DMXL1: variants seen among roughly 807,000 people sequenced by gnomAD.
The protein encoded by DMXL1 is dmX-like protein 1.
Under a neutral mutation model 319.2 loss-of-function variants are expected in DMXL1, and 99 were observed. The ratio of observed to expected loss-of-function variants is 0.31; its 90% CI spans 0.26 to 0.37. DMXL1 has a LOEUF of 0.37. Among genes scored for constraint, DMXL1 ranks in the 10% least tolerant of loss-of-function variants. The pLI is 1.00. For synonymous variants in DMXL1, 1,385 were observed against 1,235.2 expected (o/e 1.12, Z -2.54); for missense variants, 3,745 against 3,595.6 (o/e 1.04, Z -1.06).
At chr5:119,156,323 G>A (rs1391084134) in intron 19 of DMXL1, among the ~76,000 whole-genome samples, 1 of 152,146 alleles carries the variant, frequency 6.6e-6, no homozygotes, top group Non-Finnish European at 1.5e-5. Flanking sequence ...TAACGCTATT[G>A]CACAGTTAAT....
chr5:119,114,851 A>G (rs907047167), intron 6 of DMXL1, among the ~76,000 whole-genome samples: 4 of 151,768 alleles, frequency 2.6e-5, no homozygotes, highest in Non-Finnish European at 5.9e-5. Context: ...GTATTTTTTA[A>G]TAGAGACGGG....
chr5:119,237,997 C>A (rs563756418), intron 40 of DMXL1, among the ~76,000 whole-genome samples: 5 of 151,992 alleles, frequency 3.3e-5, no homozygotes, highest in Admixed American at 3.3e-4. Flanking sequence ...GTAATTTGCC[C>A]AAGGTTAATT....
chr5:119,120,057 T>A (rs1404860019), intron 8 of DMXL1, among the ~76,000 whole-genome samples: 1 of 151,774 alleles, frequency 6.6e-6, no homozygotes. Context: ...ATTTTTGTAT[T>A]TAAAGTGGAG....
intron 24 of DMXL1, 55 bp from the exon 25 acceptor site, chr5:119,171,722 TA>T: frequency 7.2e-7 from 1 of 1,398,272 alleles, no homozygotes; most frequent in Non-Finnish European, 9.7e-7. Flanking sequence ...TTTACTGAAG[TA>T]ATGGTTTGTA....
At chr5:119,073,765 C>T (rs1750178359) in intron 1 of DMXL1, among the ~76,000 whole-genome samples, 1 of 152,086 alleles carries the variant, frequency 6.6e-6, no homozygotes, top group East Asian at 1.9e-4. Context: ...CATGGTTTTC[C>T]TTTGCAGCCT....
intron 34 of DMXL1, among the ~76,000 whole-genome samples, chr5:119,207,357 A>G (rs560708269): frequency 2.6e-5 from 4 of 152,190 alleles, no homozygotes; most frequent in Non-Finnish European, 5.9e-5. Context: ...ATACTGTTAC[A>G]TAGCATTTAT....
At chr5:119,223,556 C>T (rs1183211830) in intron 37 of DMXL1, among the ~76,000 whole-genome samples, 3 of 152,246 alleles carry the variant, frequency 2.0e-5, no homozygotes, top group Admixed American at 1.3e-4. Context: ...TTCTTCCTAC[C>T]TAAATCTTAG....
intron 29 of DMXL1, among the ~76,000 whole-genome samples, chr5:119,191,952 T>C (rs1778774197): frequency 6.6e-6 from 1 of 152,240 alleles, no homozygotes; most frequent in Non-Finnish European, 1.5e-5. Flanking sequence ...GTTTGTTTTC[T>C]ACAATTTTGT....
At chr5:119,089,426 C>G (rs1012668731) in intron 1 of DMXL1, among the ~76,000 whole-genome samples, 2 of 145,238 alleles carry the variant, frequency 1.4e-5, no homozygotes, top group African/African-American at 5.1e-5. Context: ...ATGCCTCAGC[C>G]TCCCGAGTAG....
intron 9 of DMXL1, chr5:119,127,299 C>T: frequency 4.6e-6 from 1 of 219,032 alleles, no homozygotes; most frequent in Non-Finnish European, 9.6e-6. Context: ...CCATTAACTT[C>T]AATGGTAGTA....
At chr5:119,188,653 C>T (rs1260844229) in intron 28 of DMXL1, among the ~76,000 whole-genome samples, 1 of 152,198 alleles carries the variant, frequency 6.6e-6, no homozygotes, top group Non-Finnish European at 1.5e-5. Flanking sequence ...CATTTAATCT[C>T]ACAGTTCCTT....
At position 119,139,837 on chromosome 5, in the gene DMXL1, A is replaced by G. The variant is rs193232685; in HGVS notation, c.2377-4004A>G. 1.3e-4 allele frequency among the ~76,000 whole-genome samples: 20 copies of G among 152,346 alleles called. No individual in the cohort carries two copies. In the East Asian group the frequency reaches 3.1e-3, roughly 24 times the overall value. On this transcript the variant is annotated intron_variant, in intron 13 of 43. Transcript: ENST00000539542. ...CAGAATATATATTCCTCTCATTGCC[A>G]CGTCACATACTCTAAATTGGACCAC...
intron 41 of DMXL1, among the ~76,000 whole-genome samples, chr5:119,239,830 G>A (rs1473310763): frequency 2.0e-5 from 3 of 151,712 alleles, no homozygotes; most frequent in African/African-American, 7.3e-5. Flanking sequence ...GGTGGCAGGT[G>A]CCTGTAATCC....
At chr5:119,116,468 C>T (rs574974301) in intron 7 of DMXL1, 132 bp downstream of exon 7, 5 of 958,238 alleles carry the variant, frequency 5.2e-6, no homozygotes, top group Admixed American at 2.5e-5. Flanking sequence ...AATATTAAAT[C>T]GTCTCTGGCC....
intron 27 of DMXL1, 29 bp from the exon 28 acceptor site, chr5:119,177,967 G>T: frequency 6.5e-7 from 1 of 1,550,212 alleles, no homozygotes; most frequent in Non-Finnish European, 8.7e-7. Flanking sequence ...TTTATAGTCA[G>T]TGACAGCTAT....
chr5:119,115,369 C>T (rs1247008659), intron 6 of DMXL1, among the ~76,000 whole-genome samples: 1 of 152,094 alleles, frequency 6.6e-6, no homozygotes, highest in Non-Finnish European at 1.5e-5. Flanking sequence ...AGTGTGTATA[C>T]TTTATTACCT....
At chr5:119,175,225 G>A in intron 25 of DMXL1, 36 bp from the exon 26 acceptor site, 1 of 1,506,226 alleles carries the variant, frequency 6.6e-7, no homozygotes, top group South Asian at 1.2e-5. Context: ...ACTTTAAAAA[G>A]GTTATACTTA....
Position 119,071,448 on chromosome 5 carries a change from C to A in DMXL1, c.-122C>A. 1 of 977,136 alleles carries A rather than the reference C, an allele frequency of 1.0e-6. No homozygotes were observed. The allele number at this position is 977,136 out of a possible 1,614,324, so 60.5% of individuals were successfully genotyped here. On this transcript the variant is annotated 5_prime_UTR_variant, in exon 1 of 44. An upstream open reading frame in the 5' UTR gains an earlier in-frame stop. Coordinates refer to ENST00000539542, the MANE Select transcript of DMXL1 (RefSeq NM_001290321.3). ...AGCGGCTCCGGCTCCAGGCGCCTGT[C>A]GCTGCTTCTGCCGTCGCCACCGAAG...
chr5:119,149,327 C>A lies in DMXL1; in HGVS notation c.3500C>A (p.Pro1167His), dbSNP rs1187807128. The A allele has an allele frequency of 1.2e-6, 2 of 1,613,838 alleles. No individual in the cohort carries two copies. Among genetic ancestry groups the A allele is most frequent in the Non-Finnish European group, 1.7e-6 (2 of 1,179,882 alleles). ...GIGSKLFMYG[P>H]LAGKVQDQTG... ...GGATCAAAACTTTTTATGTATGGAC[C>A]CCTGGCTGGCAAGGTACAAGACCAA... is the stretch of plus-strand genomic sequence containing the variant. The change falls in exon 18 of 44, where the codon CCC (proline) becomes CAC (histidine). Residue 1167 changes from proline to histidine, a missense_variant. Around this residue, in one of 4 missense-constraint regions of DMXL1, gnomAD observed 2,096 missense variants for 1,985.4 expected, o/e 1.06. Coordinates refer to ENST00000539542, the MANE Select transcript of DMXL1 (RefSeq NM_001290321.3).
Sources: gnomAD v4.1 joint callset for allele counts (sites outside exome capture counted in the v4.1 genomes callset) on GRCh38, gnomAD v4.1.1 for gene constraint, gnomAD v4.1.1 regional missense constraint, MANE v1.5 for transcripts, NCBI Gene and HGNC (gene_info 2026-07-23, HGNC 2026-07-21) for gene names.